Variants in CEP295 observed in about 807,000 individuals in gnomAD.
The protein encoded by CEP295 is centrosomal protein of 295 kDa.
A neutral mutation model predicts 291.6 loss-of-function variants in CEP295; 190 were observed. The observed-to-expected ratio is 0.65, with a 90% CI of 0.58 to 0.73. The LOEUF is 0.73. Ranked by LOEUF, CEP295 falls within the 30% of genes least tolerant of loss-of-function variation. The probability of loss-of-function intolerance (pLI) is 0.00; values close to 1 mark genes in which losing one functional copy is unlikely to be tolerated. For synonymous variants in CEP295, 993 were observed against 1,038.8 expected (o/e 0.96, Z 0.85); for missense variants, 2,863 against 2,949.4 (o/e 0.97, Z 0.68).
Position 93,675,579 on chromosome 11 carries a change from A to T in CEP295, c.537A>T (p.Glu179Asp), listed in dbSNP as rs2134873048. Residue 179 changes from glutamate to aspartate, a missense_variant, in exon 6 of 30, where the codon GAA becomes GAT. By Grantham distance (45) the Glu-to-Asp change is conservative. Coordinates refer to ENST00000325212, the MANE Select transcript of CEP295 (RefSeq NM_033395.2). The part of the protein sequence containing the change: ...PPPPTLFENI[E>D]VKRISAVKTN... ...TATGTTCTCTTTTCCAGAACATCGA[A>T]GTAAAAAGAATTTCTGCAGTCAAAA... The T allele has an allele frequency of 2.0e-6, 3 of 1,482,228 alleles. No homozygotes were observed. The highest frequency in any genetic ancestry group is 1.4e-5 in the African/African-American group (1 of 69,444). The allele number at this position is 1,482,228 out of a possible 1,614,324, so 91.8% of individuals were successfully genotyped here.
chr11:93,702,940 A>G (rs1952264121), intron 17 of CEP295, 21 bp downstream of exon 17: 9 of 1,517,656 alleles, frequency 5.9e-6, no homozygotes, highest in African/African-American at 1.4e-5. Context: ...GCTTTGATAA[A>G]ACAAGATTTT....
chr11:93,672,969 A>G (rs1377103129), intron 5 of CEP295, among the ~76,000 whole-genome samples: 5 of 152,214 alleles, frequency 3.3e-5, no homozygotes, highest in Non-Finnish European at 7.3e-5. Context: ...CCATTTGTAT[A>G]TCAAATTACA....
chr11:93,722,418 C>T (rs147274627), intron 20 of CEP295: 2,136 of 191,640 alleles, frequency 0.011, 55 homozygotes, highest in African/African-American at 0.048. Context: ...GCCACAATCA[C>T]GCCACTGCAC....
Position 93,706,792 on chromosome 11 carries a change from A to C in CEP295, c.5644A>C (p.Ser1882Arg), listed in dbSNP as rs2135189514. The C allele has an allele frequency of 6.5e-7, 1 of 1,550,146 alleles. No homozygotes were observed. Among genetic ancestry groups the C allele is most frequent in the South Asian group, 1.2e-5 (1 of 83,882 alleles). The change falls in exon 18 of 30, where the codon AGC (serine) becomes CGC (arginine). Residue 1882 changes from serine (S) to arginine (R), a missense_variant. This residue lies in a region of CEP295 where 2,295 missense variants were observed against 2,335.7 expected (regional missense o/e 0.98). Transcript: ENST00000325212. ...EDRDPLRVSI[S>R]REQSFFGSPL... ...CAGAGACCCCCTGCGAGTCTCAATAAGCCGAGAACAAAGTTTCTTTGGGAG... is the reference window on the plus strand; with the variant it reads ...CAGAGACCCCCTGCGAGTCTCAATACGCCGAGAACAAAGTTTCTTTGGGAG...
intron 12 of CEP295, among the ~76,000 whole-genome samples, chr11:93,693,740 G>A (rs1951710197): frequency 6.6e-6 from 1 of 151,938 alleles, no homozygotes; most frequent in Non-Finnish European, 1.5e-5. Context: ...GGCGACAAGA[G>A]CGAAACTATC....
rs1445259024 is a variant in CEP295 at position 93,699,280 on chromosome 11, G to T, written c.4368G>T (p.Leu1456Phe). Residue 1456 changes from leucine (L) to phenylalanine (F), a missense_variant, in exon 15 of 30, where the codon TTG becomes TTT. Transcript: ENST00000325212. ...TTGTTTTACCTCAACAAGATAATTT[G>T]ATTGCACTTGAAGAACACTTGCATG... ...SHLVLPQQDN[L>F]IALEEHLHAQ... 2.4e-5 allele frequency: 37 copies of T among 1,551,912 alleles called. No homozygotes were observed. Among genetic ancestry groups the T allele is most frequent in the Non-Finnish European group, 3.1e-5 (36 of 1,146,980 alleles).
chr11:93,709,675 G>C (rs1952764959), intron 18 of CEP295, among the ~76,000 whole-genome samples: 1 of 152,010 alleles, frequency 6.6e-6, no homozygotes, highest in African/African-American at 2.4e-5. Context: ...CTATTTCTAT[G>C]AAGAATATCA....
At chr11:93,678,113 TTC>T (rs1950789283) in intron 6 of CEP295, among the ~76,000 whole-genome samples, 1 of 152,170 alleles carries the variant, frequency 6.6e-6, no homozygotes, top group African/African-American at 2.4e-5. Flanking sequence ...TTTGAAATTT[TTC>T]CTTTCTTTAA....
At chr11:93,729,052 A>G in intron 25 of CEP295, 1 of 528,832 alleles carries the variant, frequency 1.9e-6, no homozygotes, top group Non-Finnish European at 3.3e-6. Flanking sequence ...TGGCAGAACT[A>G]ATCTTATACA....
chr11:93,692,143 T>C (rs758805621), intron 12 of CEP295, 113 bp downstream of exon 12: 80 of 635,860 alleles, frequency 1.3e-4, no homozygotes, highest in Non-Finnish European at 1.9e-4. Flanking sequence ...TATCATGTTT[T>C]TGACATTGTC....
At chr11:93,725,049 G>GT (rs1163043190) in intron 22 of CEP295, among the ~76,000 whole-genome samples, 1 of 152,058 alleles carries the variant, frequency 6.6e-6, no homozygotes, top group Non-Finnish European at 1.5e-5. Flanking sequence ...GAGGCCAGGA[G>GT]TTTGAGATCA....
chr11:93,700,317 C>T (rs950907216), intron 15 of CEP295, 131 bp downstream of exon 15: 2 of 842,292 alleles, frequency 2.4e-6, no homozygotes, highest in Non-Finnish European at 3.6e-6. Context: ...GATTTTTCAC[C>T]CTAAATGATG....
In CEP295 at chr11:93,702,654, T is replaced by C; in HGVS notation, c.5452+17T>C. ...AGCAAAGTGGTAAGATAATTGTGTT[T>C]GATTGTAATTATTTCACTGATTATT... On this transcript the variant is annotated intron_variant, in intron 16 of 29. Transcript: ENST00000325212. The C allele has an allele frequency of 6.5e-7, 1 of 1,534,510 alleles. No individual in the cohort carries two copies. The highest frequency in any genetic ancestry group is 8.8e-7 in the Non-Finnish European group (1 of 1,138,622).
Position 93,698,609 on chromosome 11 carries a change from C to T in CEP295, c.3697C>T (p.His1233Tyr), listed in dbSNP as rs368382851. 3.2e-6 allele frequency: 5 copies of T among 1,551,536 alleles called. No homozygotes were observed. In the African/African-American group the frequency reaches 5.5e-5, roughly 17 times the overall value. ...GAGTGACAGTACCATTCCCTTAAGC[C>T]ATCCTAAGATCCCAAGATGTCAGGA... ...IKSDSTIPLSHPKIPRCQERL... is the reference protein window; with the variant it reads ...IKSDSTIPLSYPKIPRCQERL... The change falls in exon 15 of 30, where the codon CAT becomes TAT. Residue 1233 changes from histidine (H) to tyrosine (Y), a missense_variant. Physicochemically the swap from His to Tyr is moderately conservative, Grantham distance 83. Coordinates refer to ENST00000325212, the MANE Select transcript of CEP295 (RefSeq NM_033395.2).
At chr11:93,679,165 T>C (rs1184524916) in intron 6 of CEP295, among the ~76,000 whole-genome samples, 1 of 152,234 alleles carries the variant, frequency 6.6e-6, no homozygotes, top group African/African-American at 2.4e-5. Flanking sequence ...GCTTACAAAG[T>C]GATGGATAAA....
intron 23 of CEP295, chr11:93,726,690 T>G (rs1954170075): frequency 3.9e-6 from 1 of 255,746 alleles, no homozygotes; most frequent in Admixed American, 5.1e-5. Flanking sequence ...TTCTCTTTTC[T>G]GTTATTAAAG....
chr11:93,726,806 A>C (rs1954179340), intron 23 of CEP295, 170 bp from the exon 24 acceptor site: 3 of 491,804 alleles, frequency 6.1e-6, no homozygotes, highest in African/African-American at 6.0e-5. Flanking sequence ...CTGTAGTTTG[A>C]GAAATCACTG....
At chr11:93,662,568 A>C (rs1482706177) in intron 1 of CEP295, among the ~76,000 whole-genome samples, 1 of 152,254 alleles carries the variant, frequency 6.6e-6, no homozygotes, top group African/African-American at 2.4e-5. Flanking sequence ...GTAGAATTTA[A>C]AAATCCATAT....
chr11:93,687,020 A>G (rs971424815), intron 9 of CEP295, among the ~76,000 whole-genome samples: 3 of 152,216 alleles, frequency 2.0e-5, no homozygotes, highest in African/African-American at 7.2e-5. Flanking sequence ...TTCGTATTAT[A>G]CTGAGTTTTG....
Sources: gnomAD v4.1 joint callset for allele counts (sites outside exome capture counted in the v4.1 genomes callset) on GRCh38, gnomAD v4.1.1 for gene constraint, gnomAD v4.1.1 regional missense constraint, MANE v1.5 for transcripts, NCBI Gene and HGNC (gene_info 2026-07-23, HGNC 2026-07-21) for gene names.